SPATA17: variants seen among roughly 807,000 people sequenced by gnomAD.
The protein encoded by SPATA17 is spermatogenesis associated 17.
A neutral mutation model predicts 62.2 loss-of-function variants in SPATA17; 53 were observed. The observed-to-expected ratio is 0.85, with a 90% CI of 0.68 to 1.07. The LOEUF (loss-of-function observed/expected upper bound fraction) is 1.07, where lower values mean the gene tolerates loss of function less well. SPATA17 is among the 50% of genes least tolerant of loss of function. SPATA17 has a pLI of 0.00. For missense variants in SPATA17, 466 were observed against 425.5 expected, an observed-to-expected ratio of 1.10 and a Z score of -0.84; for synonymous variants, 146 against 146.8, an observed-to-expected ratio of 0.99 and a Z score of 0.04.
chr1:217,851,044 T>C (rs1441986652), intron 9 of SPATA17, among the ~76,000 whole-genome samples: 2 of 152,192 alleles, frequency 1.3e-5, no homozygotes, highest in Non-Finnish European at 2.9e-5. Flanking sequence ...TTGCACCTAC[T>C]AAGAACTTAA....
chr1:217,799,826 C>T (rs1349236158), intron 8 of SPATA17, among the ~76,000 whole-genome samples: 1 of 151,896 alleles, frequency 6.6e-6, no homozygotes, highest in Non-Finnish European at 1.5e-5. Context: ...AAAATTTTGG[C>T]ATATAGTAAT....
chr1:217,663,720 G>A (rs1670619600), intron 3 of SPATA17, among the ~76,000 whole-genome samples: 1 of 151,918 alleles, frequency 6.6e-6, no homozygotes, highest in Non-Finnish European at 1.5e-5. Flanking sequence ...AGCAAATGAT[G>A]CCAGTTGATC....
rs1342202685 is a variant in SPATA17 at position 217,690,579 on chromosome 1, G to A, written c.395+7218G>A. Among the ~76,000 whole-genome samples, 12 of 135,414 alleles carry A rather than the reference G, an allele frequency of 8.9e-5. No homozygotes were observed. The South Asian group carries it at 1.7e-3, about 19-fold the overall frequency. 88.8% of individuals were successfully genotyped at this position (135,414 alleles called of 152,430 possible). A position where few individuals can be genotyped will look rare whatever the true frequency, so the allele number is the denominator to read the frequency against. On this transcript the variant is annotated intron_variant, in intron 5 of 10. Coordinates refer to ENST00000366933, the MANE Select transcript of SPATA17 (RefSeq NM_138796.4). Reference sequence around the variant, plus strand: ...ATGTATACATGTGCCATGCTGGTGCGCTGCACCCACTAACTCATCATCTAG... The same window carrying A: ...ATGTATACATGTGCCATGCTGGTGCACTGCACCCACTAACTCATCATCTAG...
At position 217,734,251 on chromosome 1, in the gene SPATA17, G is replaced by A. The variant is rs150992546; in HGVS notation, c.396-7724G>A. On this transcript the variant is annotated intron_variant, in intron 5 of 10. Transcript: ENST00000366933. ...CTTACTTATTTGGTTAAATTAATGT[G>A]AACATATTCAGAGCAGACAATTGTT... Among the ~76,000 whole-genome samples the A allele has an allele frequency of 2.5e-3, 384 of 152,212 alleles. 1 individual carries two copies. The highest frequency in any genetic ancestry group is 8.6e-3 in the African/African-American group (358 of 41,536).
At chr1:217,674,894 G>C (rs894853451) in intron 4 of SPATA17, among the ~76,000 whole-genome samples, 3 of 152,174 alleles carry the variant, frequency 2.0e-5, no homozygotes, top group African/African-American at 7.2e-5. Context: ...CACAGGATAG[G>C]GGAGAGGGGA....
At chr1:217,657,004 G>A (rs928606829) in intron 3 of SPATA17, among the ~76,000 whole-genome samples, 4 of 152,140 alleles carry the variant, frequency 2.6e-5, no homozygotes, top group Admixed American at 2.0e-4. Context: ...GACTTAACTA[G>A]TGCCAGTGTA....
intron 4 of SPATA17, among the ~76,000 whole-genome samples, chr1:217,674,470 G>T (rs778804342): frequency 5.9e-5 from 9 of 152,158 alleles, no homozygotes; most frequent in Non-Finnish European, 1.3e-4. Context: ...TGGCTGCTGC[G>T]ACTGCATGCT....
intron 5 of SPATA17, among the ~76,000 whole-genome samples, chr1:217,698,287 A>G (rs963524573): frequency 6.6e-6 from 1 of 152,106 alleles, no homozygotes; most frequent in African/African-American, 2.4e-5. Flanking sequence ...TACAAAAATT[A>G]GCTGGGCATG....
intron 8 of SPATA17, among the ~76,000 whole-genome samples, chr1:217,796,608 T>C (rs1360133182): frequency 6.6e-6 from 1 of 152,216 alleles, no homozygotes; most frequent in Non-Finnish European, 1.5e-5. Context: ...TTTAAATTTG[T>C]ACTATGAATT....
chr1:217,865,663 A>G (rs1675994521), intron 10 of SPATA17, among the ~76,000 whole-genome samples: 1 of 152,194 alleles, frequency 6.6e-6, no homozygotes, highest in Non-Finnish European at 1.5e-5. Flanking sequence ...CTTTCCAGGC[A>G]GAGTCTCTTT....
chr1:217,675,231 A>T (rs1234281128), intron 4 of SPATA17, among the ~76,000 whole-genome samples: 1 of 152,110 alleles, frequency 6.6e-6, no homozygotes, highest in Non-Finnish European at 1.5e-5. Context: ...GTGTGGGGGG[A>T]AAATTATACT....
chr1:217,638,057 C>T (rs1342215641), intron 1 of SPATA17, among the ~76,000 whole-genome samples: 1 of 151,972 alleles, frequency 6.6e-6, no homozygotes, highest in African/African-American at 2.4e-5. Flanking sequence ...GAAATCACAA[C>T]AGAAGGGTAA....
intron 8 of SPATA17, among the ~76,000 whole-genome samples, chr1:217,789,911 C>T (rs1319505667): frequency 2.0e-5 from 3 of 152,074 alleles, no homozygotes. Context: ...GTGGTGGGCA[C>T]CTGTAGTCCC....
chr1:217,711,346 G>A (rs1486115113), intron 5 of SPATA17, among the ~76,000 whole-genome samples: 1 of 152,032 alleles, frequency 6.6e-6, no homozygotes, highest in Non-Finnish European at 1.5e-5. Flanking sequence ...TTGTGTCCCT[G>A]TGTTCACGTA....
At chr1:217,642,625 G>A (rs1299192039) in intron 1 of SPATA17, among the ~76,000 whole-genome samples, 3 of 152,090 alleles carry the variant, frequency 2.0e-5, no homozygotes, top group Non-Finnish European at 4.4e-5. Flanking sequence ...TCATGGGGGC[G>A]GTTTCCTCCG....
chr1:217,650,683 C>G (rs559519406), intron 2 of SPATA17, among the ~76,000 whole-genome samples: 16 of 152,316 alleles, frequency 1.1e-4, no homozygotes, highest in South Asian at 6.2e-4. Flanking sequence ...CTTGGCCTCC[C>G]AAAGTGCTGG....
intron 7 of SPATA17, among the ~76,000 whole-genome samples, chr1:217,779,291 A>G (rs966582024): frequency 2.6e-5 from 4 of 151,812 alleles, no homozygotes; most frequent in African/African-American, 9.7e-5. Context: ...ATATACACAC[A>G]TATACTCCTG....
chr1:217,703,137 A>G (rs1671640648), intron 5 of SPATA17, among the ~76,000 whole-genome samples: 1 of 147,548 alleles, frequency 6.8e-6, no homozygotes, highest in African/African-American at 2.5e-5. Context: ...AGCCTCCCAA[A>G]GTGCTGGGAT....
chr1:217,846,623 A>G (rs1675536309), intron 9 of SPATA17, among the ~76,000 whole-genome samples: 1 of 152,078 alleles, frequency 6.6e-6, no homozygotes, highest in African/African-American at 2.4e-5. Context: ...GCTAATGGAT[A>G]GAAGAACATG....
Sources: gnomAD v4.1 joint callset for allele counts (sites outside exome capture counted in the v4.1 genomes callset) on GRCh38, gnomAD v4.1.1 for gene constraint, MANE v1.5 for transcripts, NCBI Gene and HGNC (gene_info 2026-07-23, HGNC 2026-07-21) for gene names.